The following C7 variants were observed in gnomAD, a reference collection of about 807,000 sequenced individuals.
C7 encodes complement C7, also known as complement component C7.
Under a neutral mutation model 104.8 loss-of-function variants are expected in C7, and 83 were observed. The observed-to-expected ratio is 0.79, with a 90% CI of 0.66 to 0.95. The LOEUF (loss-of-function observed/expected upper bound fraction) is 0.95, where lower values mean the gene tolerates loss of function less well. Among genes scored for constraint, C7 ranks in the 40% least tolerant of loss-of-function variants. The pLI is 0.00. For missense variants in C7, 1,070 were observed against 1,011.2 expected (o/e 1.06, Z -0.79); for synonymous variants, 415 against 360.6 (o/e 1.15, Z -1.71).
rs902617369 is a variant in C7, at chr5:40,959,347, G to C, written c.1490-102G>C. ...GAAGAGTGAAGGTAATCAATATCCAGAATGATCTCTTCCTCCAATTAACTT... is the reference window on the plus strand; with the variant it reads ...GAAGAGTGAAGGTAATCAATATCCACAATGATCTCTTCCTCCAATTAACTT... On this transcript the variant is annotated intron_variant, in intron 11 of 17. Coordinates refer to ENST00000313164, the MANE Select transcript of C7 (RefSeq NM_000587.4). 10 of 1,043,004 alleles carry C rather than the reference G, an allele frequency of 9.6e-6. No individual in the cohort carries two copies. The Admixed American group carries it at 1.0e-4, about 10-fold the overall frequency. 64.6% of individuals were successfully genotyped at this position (1,043,004 alleles called of 1,614,324 possible).
chr5:40,955,451 T>C lies in C7; in HGVS notation c.1158T>C (p.Ser386=), dbSNP rs1356982361. The C allele has an allele frequency of 1.2e-6, 2 of 1,613,410 alleles. No individual in the cohort carries two copies. The highest frequency in any genetic ancestry group is 1.7e-6 in the Non-Finnish European group (2 of 1,179,584). Residue 386 remains serine (S), a synonymous_variant, in exon 10 of 18, where the codon TCT becomes TCC. Coordinates refer to ENST00000313164, the MANE Select transcript of C7 (RefSeq NM_000587.4). ...FIRGGGAGFI[S]GLSYLELDNP... is the part of the protein sequence containing the mutation. ...GAGGGGGAGGTGCAGGCTTCATATCTGGCCTTAGTTACCTAGAGCTGGACA... is the reference window on the plus strand; with the variant it reads ...GAGGGGGAGGTGCAGGCTTCATATCCGGCCTTAGTTACCTAGAGCTGGACA...
intron 17 of C7, 96 bp from the exon 18 acceptor site, chr5:40,981,291 TTCTAC>T (rs1437888631): frequency 1.8e-6 from 2 of 1,140,840 alleles, no homozygotes; most frequent in African/African-American, 3.1e-5. Flanking sequence ...AGGCAGGAGC[TTCTAC>T]AGCTCTGATC....
At chr5:40,931,039 G>A in intron 2 of C7, 25 bp from the exon 3 acceptor site, 1 of 1,539,792 alleles carries the variant, frequency 6.5e-7, no homozygotes, top group African/African-American at 1.4e-5. Flanking sequence ...CCTGCTTTAT[G>A]ATGGACAATT....
intron 6 of C7, among the ~76,000 whole-genome samples, chr5:40,942,882 A>G (rs996893763): frequency 7.9e-5 from 12 of 151,306 alleles, no homozygotes; most frequent in Non-Finnish European, 1.6e-4. Context: ...CTCCTGGTTC[A>G]GCCTCCCGAG....
intron 9 of C7, among the ~76,000 whole-genome samples, chr5:40,953,882 A>G (rs1740231267): frequency 6.6e-6 from 1 of 152,216 alleles, no homozygotes; most frequent in Non-Finnish European, 1.5e-5. Context: ...GTGTATAAAT[A>G]AAAAATAAAA....
intron 11 of C7, among the ~76,000 whole-genome samples, chr5:40,958,642 A>G (rs933922233): frequency 1.3e-5 from 2 of 152,168 alleles, no homozygotes; most frequent in African/African-American, 2.4e-5. Flanking sequence ...TTCTATTTCT[A>G]TTCTGTGTGA....
At position 40,979,839 on chromosome 5, in the gene C7, G is replaced by A; in HGVS notation, c.2280G>A (p.Arg760=). The change falls in exon 17 of 18, where the codon AGG becomes AGA. Residue 760 remains arginine, a synonymous_variant. Transcript: ENST00000313164. The part of the protein sequence containing the change: ...CQGRNYTLTG[R]DSCTLPASAE... ...GTAGAAATTACACCCTTACTGGTAG[G>A]GACAGCTGTACTCTGCCTGCCTCAG... is the stretch of plus-strand genomic sequence containing the variant. The A allele has an allele frequency of 1.2e-6, 2 of 1,613,194 alleles. No homozygotes were observed. The highest frequency in any genetic ancestry group is 8.5e-7 in the Non-Finnish European group (1 of 1,179,450).
intron 15 of C7, 113 bp from the exon 16 acceptor site, chr5:40,976,637 A>G: frequency 1.6e-6 from 1 of 616,660 alleles, no homozygotes; most frequent in Admixed American, 3.0e-5. Context: ...TACTGTGCAA[A>G]TGCATTGCAG....
Position 40,947,743 on chromosome 5 carries a change from A to G in C7, c.880A>G (p.Arg294Gly). 6.2e-7 allele frequency: 1 copy of G among 1,613,784 alleles called. No homozygotes were observed. Among genetic ancestry groups the G allele is most frequent in the Non-Finnish European group, 8.5e-7 (1 of 1,179,764 alleles). ...TCTGTATGACTACAGTGCCTACCGA[A>G]GATTAATCGACCAGTACGGGACACA... is the stretch of plus-strand genomic sequence containing the variant. The part of the protein sequence containing the change: ...PSLYDYSAYR[R>G]LIDQYGTHYL... The change falls in exon 8 of 18, where the codon AGA (arginine) becomes GGA (glycine). Residue 294 changes from arginine (R) to glycine (G), a missense_variant. Transcript: ENST00000313164.
chr5:40,937,042 A>G (rs1368358711), intron 5 of C7, among the ~76,000 whole-genome samples: 1 of 152,184 alleles, frequency 6.6e-6, no homozygotes, highest in African/African-American at 2.4e-5. Flanking sequence ...TAAGGTTTCA[A>G]GACCTAAAAA....
chr5:40,949,943 G>A lies in C7; in HGVS notation c.1022G>A (p.Gly341Asp), dbSNP rs1429403751. Residue 341 changes from glycine (G) to aspartate (D), a missense_variant, in exon 9 of 18, where the codon GGT (glycine) becomes GAT (aspartate). By Grantham distance (94) the Gly-to-Asp change is moderately conservative. Transcript: ENST00000313164. ...SVEEKKCKSS[G>D]WHFVVKFSSH... ...GAAGAAAAGAAATGTAAATCCTCAG[G>A]TTGGCATTTTGTCGTTAAATTTTCA... The A allele has an allele frequency of 1.9e-6, 3 of 1,600,116 alleles. No homozygotes were observed. Among genetic ancestry groups the A allele is most frequent in the African/African-American group, 2.7e-5 (2 of 74,692 alleles).
intron 9 of C7, among the ~76,000 whole-genome samples, chr5:40,953,625 G>A (rs1291407233): frequency 6.6e-5 from 7 of 106,486 alleles, no homozygotes; most frequent in African/African-American, 2.7e-4. Context: ...TAGCAACAGA[G>A]CAAGACTCTG....
chr5:40,922,059 C>A (rs565812119), intron 1 of C7, among the ~76,000 whole-genome samples: 24 of 150,000 alleles, frequency 1.6e-4, no homozygotes, highest in African/African-American at 5.6e-4. Flanking sequence ...AACAAACAAA[C>A]AAACAAACAA....
chr5:40,968,598 A>ATT (rs1740621313), intron 14 of C7, among the ~76,000 whole-genome samples: 10 of 22,058 alleles, frequency 4.5e-4, no homozygotes, highest in Non-Finnish European at 6.3e-4. Flanking sequence ...ATATATATAT[A>ATT]TATTTTTTTT....
At chr5:40,981,359 GTAC>G in intron 17 of C7, 30 bp from the exon 18 acceptor site, 1 of 1,588,514 alleles carries the variant, frequency 6.3e-7, no homozygotes, top group Non-Finnish European at 8.6e-7. Flanking sequence ...CCTCCACAAT[GTAC>G]CATTAAGCCT....
rs1431186509 is a variant in C7, at chr5:40,959,329, G to A, written c.1490-120G>A. 4 of 846,794 alleles carry A rather than the reference G, an allele frequency of 4.7e-6. No homozygotes were observed. In the Admixed American group the frequency reaches 1.1e-4, roughly 23 times the overall value. The allele number at this position is 846,794 out of a possible 1,614,324, so 52.5% of individuals were successfully genotyped here. A position where few individuals can be genotyped will look rare whatever the true frequency, so the allele number is the denominator to read the frequency against. ...ATTGTAGAAAACCTCAATGAAGAGTGAAGGTAATCAATATCCAGAATGATC... is the reference window on the plus strand; with the variant it reads ...ATTGTAGAAAACCTCAATGAAGAGTAAAGGTAATCAATATCCAGAATGATC... On this transcript the variant is annotated intron_variant, in intron 11 of 17. Coordinates refer to ENST00000313164, the MANE Select transcript of C7 (RefSeq NM_000587.4).
chr5:40,938,694 C>T (rs1357374533), intron 6 of C7, among the ~76,000 whole-genome samples: 1 of 152,196 alleles, frequency 6.6e-6, no homozygotes, highest in Admixed American at 6.6e-5. Context: ...TTTAATTTTG[C>T]TTATGATCTC....
chr5:40,963,449 C>CA (rs531265125), intron 13 of C7, among the ~76,000 whole-genome samples: 134 of 152,246 alleles, frequency 8.8e-4, no homozygotes, highest in African/African-American at 3.0e-3. Context: ...CGAAACAGAA[C>CA]ATGTGCTCCT....
At chr5:40,952,526 G>C (rs1396072279) in intron 9 of C7, among the ~76,000 whole-genome samples, 3 of 124,320 alleles carry the variant, frequency 2.4e-5, no homozygotes, top group Admixed American at 8.1e-5. Context: ...TTAAGTTCTA[G>C]GGTACATGTG....
Sources: allele counts gnomAD v4.1 joint callset (sites outside exome capture counted in the v4.1 genomes callset), GRCh38; gene constraint gnomAD v4.1.1; transcripts MANE v1.5; gene names NCBI Gene and HGNC (gene_info 2026-07-23, HGNC 2026-07-21).